Variants in SORCS2 observed in about 807,000 individuals in gnomAD.
SORCS2 encodes sortilin related VPS10 domain containing receptor 2.
In SORCS2, 100 loss-of-function variants were observed where a neutral mutation model predicts 141.6. The observed-to-expected ratio is 0.71, with a 90% CI of 0.60 to 0.83. SORCS2 has a LOEUF of 0.83. Among genes scored for constraint, SORCS2 ranks in the 40% least tolerant of loss-of-function variants. SORCS2 has a pLI of 0.00. For missense variants in SORCS2, 1,646 were observed against 1,560.2 expected, an observed-to-expected ratio of 1.05 and a Z score of -0.93; for synonymous variants, 789 against 676.9, an observed-to-expected ratio of 1.17 and a Z score of -2.57.
At chr4:7,634,842 C>A (rs1040372164) in intron 3 of SORCS2, among the ~76,000 whole-genome samples, 1 of 152,192 alleles carries the variant, frequency 6.6e-6, no homozygotes, top group Non-Finnish European at 1.5e-5. Flanking sequence ...CCTCACTCAC[C>A]CCTGCAGCCT....
intron 2 of SORCS2, among the ~76,000 whole-genome samples, chr4:7,424,894 C>A (rs1249307367): frequency 6.6e-6 from 1 of 152,232 alleles, no homozygotes; most frequent in Non-Finnish European, 1.5e-5. Flanking sequence ...CAGTGCCCGG[C>A]ACCACCTCCC....
chr4:7,206,864 T>G (rs1727771379), intron 1 of SORCS2, among the ~76,000 whole-genome samples: 1 of 152,176 alleles, frequency 6.6e-6, no homozygotes, highest in Non-Finnish European at 1.5e-5. Context: ...AAGAAACCCA[T>G]GAGATGGGTT....
chr4:7,511,641 G>C (rs905829156), intron 2 of SORCS2, among the ~76,000 whole-genome samples: 1 of 152,132 alleles, frequency 6.6e-6, no homozygotes, highest in Admixed American at 6.5e-5. Context: ...GCGTGGCCCC[G>C]TGAAGGCCTA....
At chr4:7,402,226 A>G (rs1381948261) in intron 2 of SORCS2, among the ~76,000 whole-genome samples, 4 of 152,292 alleles carry the variant, frequency 2.6e-5, no homozygotes, top group East Asian at 3.9e-4. Flanking sequence ...AAAGAAATAC[A>G]CTATGATAGC....
intron 3 of SORCS2, among the ~76,000 whole-genome samples, chr4:7,601,302 A>G (rs1184514218): frequency 2.1e-5 from 3 of 139,752 alleles, no homozygotes; most frequent in African/African-American, 8.1e-5. Context: ...AACTCCCCAA[A>G]TTAAACCTCA....
intron 9 of SORCS2, among the ~76,000 whole-genome samples, 159 bp downstream of exon 9, chr4:7,676,388 C>T (rs1723114156): frequency 6.6e-6 from 1 of 152,098 alleles, no homozygotes; most frequent in South Asian, 2.1e-4. Context: ...TTAGGCTTTG[C>T]AGGCCAAGAG....
At chr4:7,543,875 GCCAC>G (rs1560373631) in intron 3 of SORCS2, among the ~76,000 whole-genome samples, 1 of 3,806 alleles carries the variant, frequency 2.6e-4, no homozygotes, top group Non-Finnish European at 5.2e-4. Flanking sequence ...CATCCATCCA[GCCAC>G]CCACCCACCC....
intron 3 of SORCS2, among the ~76,000 whole-genome samples, chr4:7,604,659 C>T (rs575530235): frequency 3.9e-5 from 6 of 152,338 alleles, no homozygotes; most frequent in South Asian, 2.1e-4. Flanking sequence ...TCTCTTCTGT[C>T]GCCTTGTGAA....
chr4:7,688,994 TA>T (rs1426345440), intron 10 of SORCS2, among the ~76,000 whole-genome samples: 1 of 152,140 alleles, frequency 6.6e-6, no homozygotes, highest in African/African-American at 2.4e-5. Context: ...TGTGGTCACA[TA>T]AGAGGCTCCC....
rs529715324 is a variant in SORCS2 at position 7,272,129 on chromosome 4, C to T, written c.480+79003C>T. ...GATAACTTTGATTAACCGCTGAGCACAATTTCTTACCTCTAGTGCAAATTT... is the reference window on the plus strand; with the variant it reads ...GATAACTTTGATTAACCGCTGAGCATAATTTCTTACCTCTAGTGCAAATTT... On this transcript the variant is annotated intron_variant, in intron 1 of 26. Coordinates refer to ENST00000507866, the MANE Select transcript of SORCS2 (RefSeq NM_020777.3). Among the ~76,000 whole-genome samples the T allele has an allele frequency of 2.0e-5, 3 of 152,304 alleles. No homozygotes were observed. The East Asian group carries it at 5.8e-4, about 29-fold the overall frequency.
At chr4:7,594,188 C>T (rs888307513) in intron 3 of SORCS2, among the ~76,000 whole-genome samples, 7 of 152,192 alleles carry the variant, frequency 4.6e-5, no homozygotes, top group Admixed American at 3.3e-4. Flanking sequence ...CCTGCTGCCT[C>T]GGGAAGTGCT....
At chr4:7,409,983 A>G (rs778295925) in intron 2 of SORCS2, among the ~76,000 whole-genome samples, 1 of 152,238 alleles carries the variant, frequency 6.6e-6, no homozygotes, top group Non-Finnish European at 1.5e-5. Flanking sequence ...GAATTTGAGC[A>G]GTGAAGCCCA....
intron 1 of SORCS2, among the ~76,000 whole-genome samples, chr4:7,259,775 C>G (rs907826644): frequency 2.0e-5 from 3 of 152,258 alleles, no homozygotes; most frequent in African/African-American, 4.8e-5. Flanking sequence ...TTCACAGCAT[C>G]TCCCCATCTT....
chr4:7,724,913 G>A (rs1727075975), intron 19 of SORCS2, among the ~76,000 whole-genome samples: 1 of 51,150 alleles, frequency 2.0e-5, no homozygotes, highest in African/African-American at 7.1e-5. Flanking sequence ...GATAGTATTG[G>A]TGGGAATGGA....
At chr4:7,468,021 A>G (rs1729727597) in intron 2 of SORCS2, among the ~76,000 whole-genome samples, 1 of 152,162 alleles carries the variant, frequency 6.6e-6, no homozygotes, top group South Asian at 2.1e-4. Context: ...CCATGGAGCC[A>G]CACCGAGGTA....
At chr4:7,676,957 C>T (rs1723201667) in intron 9 of SORCS2, among the ~76,000 whole-genome samples, 2 of 94,684 alleles carry the variant, frequency 2.1e-5, no homozygotes, top group African/African-American at 3.6e-5. Context: ...CCTCTGCCTT[C>T]CTCTCTCCAC....
intron 1 of SORCS2, among the ~76,000 whole-genome samples, chr4:7,266,882 C>T (rs1714772098): frequency 6.6e-6 from 1 of 152,178 alleles, no homozygotes; most frequent in Non-Finnish European, 1.5e-5. Flanking sequence ...CCCCCTGTCG[C>T]CACGCCATAA....
At chr4:7,248,830 G>A (rs1165861863) in intron 1 of SORCS2, among the ~76,000 whole-genome samples, 1 of 152,236 alleles carries the variant, frequency 6.6e-6, no homozygotes, top group Non-Finnish European at 1.5e-5. Context: ...GAGAAAGGCT[G>A]GCTTCTGTGT....
chr4:7,296,331 G>A (rs571030494), intron 1 of SORCS2, among the ~76,000 whole-genome samples: 19 of 152,360 alleles, frequency 1.2e-4, no homozygotes, highest in African/African-American at 4.3e-4. Context: ...TGGTGAGCTC[G>A]TGTTAGCGGG....
Sources: allele counts gnomAD v4.1 joint callset (sites outside exome capture counted in the v4.1 genomes callset), GRCh38; gene constraint gnomAD v4.1.1; transcripts MANE v1.5; gene names NCBI Gene and HGNC (gene_info 2026-07-23, HGNC 2026-07-21).